SGCD: variants seen among roughly 807,000 people sequenced by gnomAD.
The protein encoded by SGCD is sarcoglycan delta.
In SGCD, 18 loss-of-function variants were observed where a neutral mutation model predicts 36.6. The ratio of observed to expected loss-of-function variants is 0.49; its 90% CI spans 0.34 to 0.73. The LOEUF is 0.73. Ranked by LOEUF, SGCD falls within the 30% of genes least tolerant of loss-of-function variation. The probability of loss-of-function intolerance (pLI) is 0.01; values close to 1 mark genes in which losing one functional copy is unlikely to be tolerated. For missense variants in SGCD, 387 were observed against 346.7 expected (o/e 1.12, Z -0.92); for synonymous variants, 133 against 130.6 (o/e 1.02, Z -0.12).
chr5:156,482,273 A>C (rs1410243039), intron 3 of SGCD, among the ~76,000 whole-genome samples: 1 of 152,296 alleles, frequency 6.6e-6, no homozygotes, highest in Non-Finnish European at 1.5e-5. Flanking sequence ...TCCTGAAAAA[A>C]AAAAACTGCT....
At chr5:156,101,527 C>T (rs1405175971) in intron 1 of SGCD, among the ~76,000 whole-genome samples, 1 of 152,108 alleles carries the variant, frequency 6.6e-6, no homozygotes, top group Non-Finnish European at 1.5e-5. Context: ...AGAAGTTCTC[C>T]CCTAATGAAT....
intron 4 of SGCD, among the ~76,000 whole-genome samples, chr5:156,531,828 G>C (rs973782501): frequency 5.3e-5 from 8 of 152,184 alleles, no homozygotes; most frequent in African/African-American, 1.9e-4. Context: ...ATGGACATGG[G>C]CTAGGCACGG....
chr5:156,738,626 A>G (rs1030176370), intron 7 of SGCD: 4 of 152,238 alleles, frequency 2.6e-5, no homozygotes, highest in African/African-American at 9.6e-5. Flanking sequence ...AGTTCTTTGC[A>G]GTCTGTTATG....
intron 3 of SGCD, among the ~76,000 whole-genome samples, chr5:156,423,679 C>T (rs1773533341): frequency 6.6e-6 from 1 of 151,522 alleles, no homozygotes. Context: ...GACCCAAGAT[C>T]CAATGATCAC....
chr5:156,619,423 A>AGT lies in SGCD; in HGVS notation c.502+24377_502+24378dup, dbSNP rs147975266. ...TGGATTTCTCTATCAAGCCATAGTT[A>AGT]GTGTGTTTTCAAGCATCTGTTGGCC... On this transcript the variant is annotated intron_variant, in intron 6 of 8. Coordinates refer to ENST00000337851, the MANE Select transcript of SGCD (RefSeq NM_000337.6). Among the ~76,000 whole-genome samples, 73 of 152,338 alleles carry AGT rather than the reference A, an allele frequency of 4.8e-4. No individual in the cohort carries two copies. The East Asian group carries it at 0.014, about 29-fold the overall frequency.
At chr5:155,954,375 C>T (rs918399475) in intron 1 of SGCD, among the ~76,000 whole-genome samples, 3 of 152,114 alleles carry the variant, frequency 2.0e-5, no homozygotes, top group African/African-American at 7.2e-5. Flanking sequence ...CAAAGCAGCA[C>T]ATACACACGG....
rs544586922 is a variant in SGCD, at chr5:156,396,291, G to A, written c.192+51614G>A. ...TAGAAATGATTAATTCCTTGGGAAG[G>A]AAGCCAAGAAAATCATGAAAATAGC... On this transcript the variant is annotated intron_variant, in intron 3 of 8. Transcript: ENST00000337851. 7.2e-5 allele frequency among the ~76,000 whole-genome samples: 11 copies of A among 152,326 alleles called. 1 individual carries two copies. In the South Asian group the frequency reaches 2.3e-3, roughly 32 times the overall value.
intron 3 of SGCD, among the ~76,000 whole-genome samples, chr5:156,371,682 G>T (rs1490421623): frequency 6.6e-6 from 1 of 152,178 alleles, no homozygotes; most frequent in Admixed American, 6.5e-5. Flanking sequence ...ACTTACTGTA[G>T]TTTCAGGGCA....
intron 4 of SGCD, among the ~76,000 whole-genome samples, chr5:156,511,890 G>A (rs749523984): frequency 6.6e-6 from 1 of 152,120 alleles, no homozygotes; most frequent in Non-Finnish European, 1.5e-5. Flanking sequence ...GCAGAGGCAA[G>A]CACTGTTAAG....
chr5:155,995,366 A>C (rs1352748671), intron 1 of SGCD, among the ~76,000 whole-genome samples: 2 of 152,214 alleles, frequency 1.3e-5, no homozygotes. Flanking sequence ...ATATATAACA[A>C]TAGCAAATAG....
At chr5:155,776,339 C>G in the SGCD span, among the ~76,000 whole-genome samples, 4 of 152,168 alleles carry the variant, frequency 2.6e-5, no homozygotes, top group Middle Eastern at 3.4e-3. Context: ...CAGTTTGCCC[C>G]CTTTGAGCCT....
chr5:155,994,583 G>A (rs925624688), intron 1 of SGCD, among the ~76,000 whole-genome samples: 2 of 152,126 alleles, frequency 1.3e-5, no homozygotes, highest in African/African-American at 4.8e-5. Context: ...TCAAGTTCTG[G>A]TCTTGCTATT....
chr5:156,687,909 G>A (rs901965945), intron 7 of SGCD, among the ~76,000 whole-genome samples: 2 of 152,146 alleles, frequency 1.3e-5, no homozygotes, highest in African/African-American at 4.8e-5. Context: ...TTAGTGACCA[G>A]AGGAAAGACA....
intron 3 of SGCD, among the ~76,000 whole-genome samples, chr5:156,164,626 G>A (rs1355268938): frequency 6.6e-6 from 1 of 152,204 alleles, no homozygotes; most frequent in African/African-American, 2.4e-5. Flanking sequence ...TATTGAATGT[G>A]AATGGATCTT....
chr5:156,609,786 T>G (rs1325025400), intron 6 of SGCD, among the ~76,000 whole-genome samples: 1 of 152,254 alleles, frequency 6.6e-6, no homozygotes, highest in Non-Finnish European at 1.5e-5. Context: ...TCACTTCATT[T>G]CATTCATTTG....
intron 3 of SGCD, among the ~76,000 whole-genome samples, chr5:156,401,109 T>C (rs1160382132): frequency 1.3e-5 from 2 of 152,162 alleles, no homozygotes; most frequent in South Asian, 2.1e-4. Context: ...GACATACACA[T>C]GAAGTGATTA....
chr5:156,144,326 A>G (rs1160029084), intron 3 of SGCD, among the ~76,000 whole-genome samples: 1 of 152,074 alleles, frequency 6.6e-6, no homozygotes, highest in Admixed American at 6.5e-5. Flanking sequence ...GACTTCCACA[A>G]TGGTTGAACT....
intron 7 of SGCD, among the ~76,000 whole-genome samples, chr5:156,654,327 G>T (rs1763590556): frequency 6.6e-6 from 1 of 152,146 alleles, no homozygotes; most frequent in African/African-American, 2.4e-5. Context: ...CTGCAGAGCA[G>T]ATAATGTCTG....
intron 3 of SGCD, among the ~76,000 whole-genome samples, chr5:156,286,160 A>G (rs1766591130): frequency 6.6e-6 from 1 of 152,220 alleles, no homozygotes; most frequent in Admixed American, 6.5e-5. Context: ...TGATCATTAA[A>G]AAGTCAGGAA....
Sources: allele counts gnomAD v4.1 joint callset (sites outside exome capture counted in the v4.1 genomes callset), GRCh38; gene constraint gnomAD v4.1.1; transcripts MANE v1.5; gene names NCBI Gene and HGNC (gene_info 2026-07-23, HGNC 2026-07-21).